Variants in PDE11A observed in about 807,000 individuals in gnomAD.
PDE11A encodes the protein dual 3',5'-cyclic-AMP and -GMP phosphodiesterase 11A.
PDE11A carries 100 observed loss-of-function variants against 100.5 expected under a neutral mutation model. The observed-to-expected ratio is 1.00, with a 90% CI of 0.85 to 1.18. The LOEUF (loss-of-function observed/expected upper bound fraction) is 1.18, where lower values mean the gene tolerates loss of function less well. Ranked by LOEUF, PDE11A falls within the 50% of genes most tolerant of loss-of-function variation. The pLI is 0.00. For missense variants in PDE11A, 1,141 were observed against 1,152.6 expected (o/e 0.99, Z 0.15); for synonymous variants, 381 against 420.8 (o/e 0.91, Z 1.16).
chr2:177,847,757 G>C (rs6705472), intron 5 of PDE11A, among the ~76,000 whole-genome samples: 32,447 of 152,138 alleles, frequency 0.21, 3,627 homozygotes, highest in Middle Eastern at 0.27. Flanking sequence ...TATGCAGCAT[G>C]TTGGTGCCTG....
At chr2:177,721,340 C>T (rs919181628) in intron 12 of PDE11A, among the ~76,000 whole-genome samples, 1 of 152,080 alleles carries the variant, frequency 6.6e-6, no homozygotes, top group African/African-American at 2.4e-5. Flanking sequence ...TCTGTCAACA[C>T]TATTTCATTC....
chr2:177,860,220 C>T (rs2083922258), intron 5 of PDE11A, among the ~76,000 whole-genome samples: 1 of 144,466 alleles, frequency 6.9e-6, no homozygotes. Flanking sequence ...GCTAGTTTTG[C>T]CAAAAAAAAA....
At chr2:177,869,705 T>C (rs999344035) in intron 5 of PDE11A, among the ~76,000 whole-genome samples, 2 of 152,166 alleles carry the variant, frequency 1.3e-5, no homozygotes, top group African/African-American at 4.8e-5. Flanking sequence ...GTCAACATTC[T>C]GCCTCCCACA....
intron 19 of PDE11A, among the ~76,000 whole-genome samples, chr2:177,659,950 T>C (rs529999907): frequency 6.6e-6 from 1 of 152,320 alleles, no homozygotes; most frequent in East Asian, 1.9e-4. Flanking sequence ...GGGAATGTGC[T>C]TTGATGGTTC....
At chr2:177,945,727 T>TGG (rs749776424) in intron 2 of PDE11A, among the ~76,000 whole-genome samples, 14 of 110,840 alleles carry the variant, frequency 1.3e-4, no homozygotes, top group African/African-American at 5.0e-4. Context: ...GGGAGGGAGG[T>TGG]GGGGGGGGTC....
At chr2:177,653,366 T>G (rs1474153883) in intron 19 of PDE11A, among the ~76,000 whole-genome samples, 3 of 152,186 alleles carry the variant, frequency 2.0e-5, no homozygotes, top group Non-Finnish European at 4.4e-5. Context: ...TTGTGGGAGA[T>G]TCCTGAGATC....
intron 12 of PDE11A, among the ~76,000 whole-genome samples, chr2:177,716,284 C>G (rs532697575): frequency 6.6e-6 from 1 of 152,296 alleles, no homozygotes; most frequent in African/African-American, 2.4e-5. Context: ...TTGTTTCCAT[C>G]ACTCCCTCAT....
intron 1 of PDE11A, among the ~76,000 whole-genome samples, chr2:178,038,709 T>C (rs567464905): frequency 3.3e-4 from 50 of 152,250 alleles, no homozygotes; most frequent in Non-Finnish European, 6.2e-4. Flanking sequence ...GAGTAGCCTG[T>C]TCTTTTCTTG....
At chr2:178,094,832 G>T (rs1054955690) in intron 2 of PDE11A, among the ~76,000 whole-genome samples, 3 of 152,158 alleles carry the variant, frequency 2.0e-5, no homozygotes, top group Admixed American at 6.5e-5. Context: ...TCATAAGGCA[G>T]CAGGAAAGAG....
intron 3 of PDE11A, among the ~76,000 whole-genome samples, chr2:177,898,941 C>T (rs2084656374): frequency 6.6e-6 from 1 of 152,316 alleles, no homozygotes; most frequent in East Asian, 1.9e-4. Context: ...TACCCCATTT[C>T]TCTGGAGTCT....
At chr2:177,727,137 G>A (rs189405624) in intron 12 of PDE11A, among the ~76,000 whole-genome samples, 274 of 152,062 alleles carry the variant, frequency 1.8e-3, no homozygotes, top group Non-Finnish European at 2.7e-3. Context: ...AAAACCCCAC[G>A]GGACGAGATT....
chr2:178,009,114 T>C (rs1214891820), intron 2 of PDE11A, among the ~76,000 whole-genome samples: 1 of 152,242 alleles, frequency 6.6e-6, no homozygotes, highest in Non-Finnish European at 1.5e-5. Flanking sequence ...CCCAGGTTTA[T>C]GCTGGCGTGC....
intron 6 of PDE11A, among the ~76,000 whole-genome samples, chr2:177,834,007 C>G (rs2083351163): frequency 6.6e-6 from 1 of 152,198 alleles, no homozygotes; most frequent in Admixed American, 6.5e-5. Context: ...AGAGGAGGAG[C>G]CTGGCCTCTT....
At chr2:177,864,027 G>T (rs2083989019) in intron 5 of PDE11A, among the ~76,000 whole-genome samples, 1 of 152,070 alleles carries the variant, frequency 6.6e-6, no homozygotes, top group Non-Finnish European at 1.5e-5. Context: ...TCCTAAAAAA[G>T]AATCAGATGT....
chr2:177,783,348 T>C (rs578010950), intron 9 of PDE11A, among the ~76,000 whole-genome samples: 10 of 152,350 alleles, frequency 6.6e-5, no homozygotes, highest in African/African-American at 2.4e-4. Flanking sequence ...AGTTCTCATA[T>C]GTGTCTTAAG....
At chr2:178,034,176 G>T (rs1458667990) in intron 1 of PDE11A, among the ~76,000 whole-genome samples, 1 of 151,338 alleles carries the variant, frequency 6.6e-6, no homozygotes. Flanking sequence ...GACACATAGG[G>T]TCAAAAAAAA....
intron 1 of PDE11A, among the ~76,000 whole-genome samples, chr2:178,051,991 C>T (rs1443163394): frequency 6.6e-6 from 1 of 152,146 alleles, no homozygotes; most frequent in African/African-American, 2.4e-5. Flanking sequence ...AGGAATTGAA[C>T]TCAGCTCTGC....
chr2:177,711,845 C>T lies in PDE11A; in HGVS notation c.2077G>A (p.Glu693Lys). The T allele has an allele frequency of 6.2e-7, 1 of 1,612,600 alleles. No individual in the cohort carries two copies. The highest frequency in any genetic ancestry group is 8.5e-7 in the Non-Finnish European group (1 of 1,178,680). ...CATCCCACAATCACCGCTAAAATTT[C>T]CACCTCGGTCAGAATGTCTTGAAAC... Reference protein sequence around the residue: ...AGFQDILTEVEILAVIVGCLC... With the variant: ...AGFQDILTEVKILAVIVGCLC... The change falls in exon 13 of 20, where the codon GAA becomes AAA. Residue 693 changes from glutamate to lysine, a missense_variant. By Grantham distance (56) the Glu-to-Lys change is moderately conservative. Transcript: ENST00000286063.
chr2:177,984,758 A>C (rs1225639050), intron 2 of PDE11A, among the ~76,000 whole-genome samples: 1 of 152,236 alleles, frequency 6.6e-6, no homozygotes, highest in Non-Finnish European at 1.5e-5. Flanking sequence ...TAATAAAGAG[A>C]AAACAGAGGT....
Sources: allele counts gnomAD v4.1 joint callset (sites outside exome capture counted in the v4.1 genomes callset), GRCh38; gene constraint gnomAD v4.1.1; transcripts MANE v1.5; gene names NCBI Gene and HGNC (gene_info 2026-07-23, HGNC 2026-07-21).